The following CDH13 variants were observed in gnomAD, a reference collection of about 807,000 sequenced individuals.
CDH13 encodes cadherin 13.
A neutral mutation model predicts 63.8 loss-of-function variants in CDH13; 24 were observed. The ratio of observed to expected loss-of-function variants is 0.38; its 90% CI spans 0.27 to 0.53. The LOEUF (loss-of-function observed/expected upper bound fraction) is 0.53, where lower values mean the gene tolerates loss of function less well. CDH13 is among the 20% of genes least tolerant of loss of function. The pLI is 0.85. For missense variants in CDH13, 1,049 were observed against 903.1 expected, an observed-to-expected ratio of 1.16 and a Z score of -2.07; for synonymous variants, 503 against 355.3, an observed-to-expected ratio of 1.42 and a Z score of -4.67.
chr16:83,334,361 T>TCTCTCTCTCTCACACACACACACACA (rs1272779883), intron 5 of CDH13, among the ~76,000 whole-genome samples: 1 of 85,594 alleles, frequency 1.2e-5, no homozygotes, highest in African/African-American at 5.0e-5. Context: ...TCTCTCTCTC[T>TCTCTCTCTCTCACACACACACACACA]CACACACACA....
chr16:82,726,744 T>C (rs1321441141), intron 1 of CDH13, among the ~76,000 whole-genome samples: 3 of 152,234 alleles, frequency 2.0e-5, no homozygotes, highest in Non-Finnish European at 2.9e-5. Flanking sequence ...TTAAACAGTA[T>C]CTGGTGCGTA....
intron 10 of CDH13, among the ~76,000 whole-genome samples, chr16:83,743,176 C>G (rs13337267): frequency 0.23 from 34,871 of 152,070 alleles, 4,412 homozygotes; most frequent in East Asian, 0.55. Flanking sequence ...CCACTGCACT[C>G]CAGCCTGGGC....
At chr16:83,775,509 G>A (rs1915045564) in intron 11 of CDH13, among the ~76,000 whole-genome samples, 1 of 152,076 alleles carries the variant, frequency 6.6e-6, no homozygotes, top group Admixed American at 6.5e-5. Context: ...TCCTTAAAAT[G>A]GCTACCATGA....
At chr16:82,860,670 G>C (rs1229254197) in intron 2 of CDH13, among the ~76,000 whole-genome samples, 1 of 151,934 alleles carries the variant, frequency 6.6e-6, no homozygotes, top group Non-Finnish European at 1.5e-5. Context: ...AAGCAGATCT[G>C]GTTAGGTACT....
chr16:82,666,795 A>T (rs1313975710), intron 1 of CDH13, among the ~76,000 whole-genome samples: 2 of 152,184 alleles, frequency 1.3e-5, no homozygotes, highest in Non-Finnish European at 2.9e-5. Context: ...GTGAATCCAG[A>T]ATTTAAAAGT....
At chr16:83,402,748 C>T (rs141227061) in intron 6 of CDH13, among the ~76,000 whole-genome samples, 15 of 152,298 alleles carry the variant, frequency 9.8e-5, no homozygotes, top group Non-Finnish European at 1.6e-4. Context: ...AAAGTTACAC[C>T]GATCAGTGTC....
At chr16:83,481,720 G>A (rs932335135) in intron 6 of CDH13, among the ~76,000 whole-genome samples, 6 of 152,186 alleles carry the variant, frequency 3.9e-5, no homozygotes, top group African/African-American at 1.4e-4. Context: ...TAGTTCATCT[G>A]GCTCAGGGAG....
chr16:83,000,448 C>T (rs116879968), intron 2 of CDH13, among the ~76,000 whole-genome samples: 7,602 of 150,646 alleles, frequency 0.05, 229 homozygotes, highest in African/African-American at 0.079. Flanking sequence ...CACGGTTTCA[C>T]CATGTTGGCC....
intron 1 of CDH13, among the ~76,000 whole-genome samples, chr16:82,677,922 A>C (rs1186589707): frequency 6.6e-6 from 1 of 152,172 alleles, no homozygotes; most frequent in Non-Finnish European, 1.5e-5. Context: ...TCTCTAAATG[A>C]TTGATGTCTG....
chr16:83,215,103 G>A (rs2039458949), intron 4 of CDH13, among the ~76,000 whole-genome samples: 2 of 12,088 alleles, frequency 1.7e-4, no homozygotes, highest in Admixed American at 2.9e-3. Context: ...TTGAGATGGA[G>A]TCTTACTCTG....
chr16:83,604,424 G>T (rs1908135331), intron 8 of CDH13, among the ~76,000 whole-genome samples: 1 of 152,118 alleles, frequency 6.6e-6, no homozygotes, highest in African/African-American at 2.4e-5. Context: ...ACACCACCGG[G>T]GTGGGGATAG....
At chr16:82,919,391 C>G (rs1330304005) in intron 2 of CDH13, among the ~76,000 whole-genome samples, 1 of 152,152 alleles carries the variant, frequency 6.6e-6, no homozygotes, top group African/African-American at 2.4e-5. Flanking sequence ...GTCCCAGTGT[C>G]TGTTGTTTCC....
chr16:83,001,502 G>C (rs904161908), intron 2 of CDH13, among the ~76,000 whole-genome samples: 3 of 152,254 alleles, frequency 2.0e-5, no homozygotes, highest in Non-Finnish European at 4.4e-5. Context: ...AGAGCTGCCA[G>C]ACCGTGTCCA....
At chr16:82,717,450 A>G (rs1017086231) in intron 1 of CDH13, among the ~76,000 whole-genome samples, 1 of 146,028 alleles carries the variant, frequency 6.8e-6, no homozygotes, top group Non-Finnish European at 1.5e-5. Flanking sequence ...AAAAAAAAAA[A>G]AAAAGAGCCC....
At chr16:83,281,294 C>G (rs1288670882) in intron 5 of CDH13, among the ~76,000 whole-genome samples, 1 of 152,234 alleles carries the variant, frequency 6.6e-6, no homozygotes, top group Non-Finnish European at 1.5e-5. Flanking sequence ...CCTCATGAAC[C>G]AACCTCCGTT....
chr16:82,646,749 C>T (rs751971630), intron 1 of CDH13, among the ~76,000 whole-genome samples: 3 of 152,054 alleles, frequency 2.0e-5, no homozygotes, highest in Non-Finnish European at 4.4e-5. Flanking sequence ...CAGTAGCAGG[C>T]ATGGGCAAAG....
chr16:82,827,193 G>T (rs2038296697), intron 1 of CDH13, among the ~76,000 whole-genome samples: 1 of 152,128 alleles, frequency 6.6e-6, no homozygotes, highest in Non-Finnish European at 1.5e-5. Context: ...TCTTAGAAAT[G>T]GATAAAGTTT....
intron 4 of CDH13, among the ~76,000 whole-genome samples, chr16:83,186,414 GGCCTGAGCCACA>G (rs1286849569): frequency 6.6e-6 from 1 of 152,194 alleles, no homozygotes; most frequent in East Asian, 1.9e-4. Flanking sequence ...TGGGATTACA[GGCCTGAGCCACA>G]GCGCCCGGCC....
chr16:82,867,351 A>G (rs1412436901), intron 2 of CDH13, among the ~76,000 whole-genome samples: 2 of 152,158 alleles, frequency 1.3e-5, no homozygotes, highest in Non-Finnish European at 2.9e-5. Flanking sequence ...TTTATCAACC[A>G]GGGTGAGATA....
Sources: allele counts gnomAD v4.1 joint callset (sites outside exome capture counted in the v4.1 genomes callset), GRCh38; gene constraint gnomAD v4.1.1; transcripts MANE v1.5; gene names NCBI Gene and HGNC (gene_info 2026-07-23, HGNC 2026-07-21).